Variants in TMEM237 observed in about 807,000 individuals in gnomAD.
TMEM237 encodes transmembrane protein 237.
TMEM237 carries 51 observed loss-of-function variants against 59.1 expected under a neutral mutation model. The observed-to-expected ratio is 0.86, with a 90% CI of 0.69 to 1.09. The LOEUF (loss-of-function observed/expected upper bound fraction) is 1.09. TMEM237 is among the 50% of genes least tolerant of loss of function. The pLI, the probability that TMEM237 is intolerant of heterozygous loss-of-function variation, is 0.00. For missense variants in TMEM237, 475 were observed against 478.3 expected (o/e 0.99, Z 0.06); for synonymous variants, 140 against 166.1 (o/e 0.84, Z 1.21).
intron 12 of TMEM237, among the ~76,000 whole-genome samples, chr2:201,625,080 T>A (rs756910749): frequency 6.6e-6 from 1 of 152,168 alleles, no homozygotes; most frequent in Non-Finnish European, 1.5e-5. Context: ...TAAAAGATGT[T>A]TGGCCAGGCG....
chr2:201,627,822 A>G (rs1197949386), intron 10 of TMEM237, among the ~76,000 whole-genome samples: 1 of 152,190 alleles, frequency 6.6e-6, no homozygotes, highest in Non-Finnish European at 1.5e-5. Context: ...AGTAGAAAAT[A>G]CAAAAGTTAA....
At chr2:201,642,766 G>A (rs746802035) in intron 1 of TMEM237, 5 of 1,441,018 alleles carry the variant, frequency 3.5e-6, no homozygotes, top group African/African-American at 1.5e-5. Context: ...CGCCCTGCGG[G>A]GATGTTGCGG....
rs2105904439 is a variant in TMEM237 at position 201,640,898 on chromosome 2, C to A, written c.69G>T (p.Val23=). 2 of 1,595,808 alleles carry A rather than the reference C, an allele frequency of 1.3e-6. No individual in the cohort carries two copies. The highest frequency in any genetic ancestry group is 8.6e-7 in the Non-Finnish European group (1 of 1,167,662). Residue 23 remains valine (V), a synonymous_variant, in exon 2 of 13, where the codon GTG becomes GTT. Transcript: ENST00000409883. Reference sequence around the variant, plus strand: ...TTACTGTAAATTATTTTTACCTTGGCACAGGTGGAAGAGCTCGTGGAGGAC... The same window carrying A: ...TTACTGTAAATTATTTTTACCTTGGAACAGGTGGAAGAGCTCGTGGAGGAC... ...HLRPPRALPP[V]PSQDDIPLSR... is the part of the protein sequence containing the mutation.
chr2:201,624,244 G>A lies in TMEM237; in HGVS notation c.*11C>T, dbSNP rs779701386. 3.1e-6 allele frequency: 5 copies of A among 1,607,270 alleles called. No homozygotes were observed. In the South Asian group the frequency reaches 4.4e-5, roughly 14 times the overall value. ...ATACTGGGTCATTATTCCTCCAAAGGTGAGCTGGTATTATGAAGAGGCTTT... is the reference window on the plus strand; with the variant it reads ...ATACTGGGTCATTATTCCTCCAAAGATGAGCTGGTATTATGAAGAGGCTTT... On this transcript the variant is annotated 3_prime_UTR_variant, in exon 13 of 13. Coordinates refer to ENST00000409883, the MANE Select transcript of TMEM237 (RefSeq NM_001044385.3).
Position 201,633,415 on chromosome 2 carries a change from G to A in TMEM237, c.291C>T (p.Ser97=). 1.3e-6 allele frequency: 2 copies of A among 1,553,856 alleles called. No homozygotes were observed. The highest frequency in any genetic ancestry group is 1.2e-5 in the South Asian group (1 of 80,914). ...TRLPLELETS[S]TQKKSSSSSL... ...ATGAACTAGATGACTTCTTTTGGGT[G>A]GAGGAAGTCTCCAATTCTGAAAACA... The change falls in exon 6 of 13, where the codon TCC becomes TCT. Residue 97 remains serine, a synonymous_variant. Coordinates refer to ENST00000409883, the MANE Select transcript of TMEM237 (RefSeq NM_001044385.3).
At chr2:201,627,769 TTTG>T (rs1359245066) in intron 10 of TMEM237, among the ~76,000 whole-genome samples, 1 of 152,162 alleles carries the variant, frequency 6.6e-6, no homozygotes, top group Non-Finnish European at 1.5e-5. Flanking sequence ...TAAAATATTG[TTTG>T]TTATTAAAAG....
Position 201,632,231 on chromosome 2 carries a change from A to G in TMEM237, c.396-23T>C, listed in dbSNP as rs1957814262. 6 of 1,610,894 alleles carry G rather than the reference A, an allele frequency of 3.7e-6. No individual in the cohort carries two copies. In the East Asian group the frequency reaches 1.3e-4, roughly 36 times the overall value. On this transcript the variant is annotated intron_variant, in intron 6 of 12. Transcript: ENST00000409883. Reference sequence around the variant, plus strand: ...TTCCTGTAATAAGGACGTATGTATGAAAAATAGATGATTATTGAATTTTTT... The same window carrying G: ...TTCCTGTAATAAGGACGTATGTATGGAAAATAGATGATTATTGAATTTTTT...
chr2:201,637,032 C>A, intron 4 of TMEM237, 147 bp from the exon 5 acceptor site: 3 of 768,424 alleles, frequency 3.9e-6, no homozygotes, highest in Non-Finnish European at 5.8e-6. Flanking sequence ...TCTTTCCTTC[C>A]TCCTCACCTG....
chr2:201,640,252 CT>C lies in TMEM237; in HGVS notation c.79+8del, dbSNP rs759786234. 2.0e-5 allele frequency: 31 copies of C among 1,551,236 alleles called. No homozygotes were observed. In the African/African-American group the frequency reaches 4.0e-4, roughly 20 times the overall value. The stretch of plus-strand genomic sequence containing the variant: ...CACCAAATATTATATTTACATTAAA[CT>C]AACTCACCTTGACTAACACGTCATA... On this transcript the variant is annotated splice_region_variant and intron_variant, in intron 3 of 12. Transcript: ENST00000409883.
Position 201,639,041 on chromosome 2 carries a change from A to G in TMEM237, c.84T>C (p.Asp28=). 6.3e-7 allele frequency: 1 copy of G among 1,578,502 alleles called. No individual in the cohort carries two copies. Among genetic ancestry groups the G allele is most frequent in the South Asian group, 1.2e-5 (1 of 85,882 alleles). ...TTTTCTTAGGACGACTAAGTGGAAT[A>G]TCATCTATAAAGCAAGAAAAAACGT... ...RALPPVPSQD[D]IPLSRPKKKK... The change falls in exon 4 of 13, where the codon GAT becomes GAC. Residue 28 remains aspartate, a synonymous_variant. Transcript: ENST00000409883.
At position 201,622,871 on chromosome 2, in the gene TMEM237, G is replaced by A. The variant is rs1195574564; in HGVS notation, c.*1384C>T. The A allele has an allele frequency of 6.5e-6, 1 of 153,764 alleles. No individual in the cohort carries two copies. Among genetic ancestry groups the A allele is most frequent in the African/African-American group, 2.4e-5 (1 of 41,522 alleles). The allele number at this position is 153,764 out of a possible 1,614,324, so 9.5% of individuals were successfully genotyped here. A position where few individuals can be genotyped will look rare whatever the true frequency, so the allele number is the denominator to read the frequency against. ...ATTTCTCTTTGATGACACGGCTCAA[G>A]TGTGCTAAGCCTTGGCTCTAACGAG... On this transcript the variant is annotated 3_prime_UTR_variant, in exon 13 of 13. Coordinates refer to ENST00000409883, the MANE Select transcript of TMEM237 (RefSeq NM_001044385.3).
intron 9 of TMEM237, 75 bp downstream of exon 9, chr2:201,629,155 A>G (rs2105898873): frequency 8.5e-7 from 1 of 1,179,782 alleles, no homozygotes; most frequent in South Asian, 2.3e-5. Context: ...TTTGAAAACT[A>G]TCATGGTCAG....
At chr2:201,627,960 GGTAATGTTTATAAGGAGCA>G (rs1957773477) in intron 10 of TMEM237, 97 bp downstream of exon 10, 2 of 604,856 alleles carry the variant, frequency 3.3e-6, no homozygotes, top group African/African-American at 3.7e-5. Flanking sequence ...AACATCTATA[GGTAATGTTTATAAGGAGCA>G]GTAATACAAC....
At chr2:201,628,455 C>T (rs1009381789) in intron 9 of TMEM237, among the ~76,000 whole-genome samples, 7 of 152,112 alleles carry the variant, frequency 4.6e-5, no homozygotes, top group African/African-American at 1.7e-4. Flanking sequence ...TATCATTGGG[C>T]TCTAACTCGG....
In TMEM237 at chr2:201,643,274, G is replaced by GCCCCCCCCCCCCCC; in HGVS notation, c.42+84_42+85insGGGGGGGGGGGGGG. On this transcript the variant is annotated intron_variant, in intron 1 of 12. Transcript: ENST00000409883. The surrounding 1 kb of genome is among the most constrained non-coding windows in gnomAD (Gnocchi z 4.3). Reference sequence around the variant, plus strand: ...CCTTAGTGATTCCCAGCTCGTTGGCGCCCCCCCACACACACCCACCCCCAC... The same window carrying GCCCCCCCCCCCCCC: ...CCTTAGTGATTCCCAGCTCGTTGGCGCCCCCCCCCCCCCCCCCCCCCACACACACCCACCCCCAC... 8.3e-7 allele frequency: 1 copy of GCCCCCCCCCCCCCC among 1,206,750 alleles called. No homozygotes were observed. Among genetic ancestry groups the GCCCCCCCCCCCCCC allele is most frequent in the Non-Finnish European group, 1.2e-6 (1 of 849,312 alleles). 74.8% of individuals were successfully genotyped at this position (1,206,750 alleles called of 1,614,324 possible).
At position 201,630,535 on chromosome 2, in the gene TMEM237, C is replaced by T. The variant is rs187901030; in HGVS notation, c.554-683G>A. Among the ~76,000 whole-genome samples the T allele has an allele frequency of 8.6e-4, 131 of 152,162 alleles. 1 individual carries two copies. Among genetic ancestry groups the T allele is most frequent in the Admixed American group, 4.6e-4 (7 of 15,242 alleles). On this transcript the variant is annotated intron_variant, in intron 7 of 12. Transcript: ENST00000409883. ...TCAATTATCCTCACCAAACCCAGTT[C>T]GCAGGTGTTTTGGAGGATGAAAGAC...
Position 201,627,395 on chromosome 2 carries a change from T to C in TMEM237, c.963A>G (p.Ile321Met). ...LASFLYFTAL[I>M]LSLSQQMTSD... ...TTGTCATTTGCTGACTCAGAGATAG[T>C]ATAAGAGCAGTAAAGTACACTGAGA... Residue 321 changes from isoleucine to methionine, a missense_variant, in exon 11 of 13, where the codon ATA (isoleucine) becomes ATG (methionine). Coordinates refer to ENST00000409883, the MANE Select transcript of TMEM237 (RefSeq NM_001044385.3). 1 of 1,601,588 alleles carries C rather than the reference T, an allele frequency of 6.2e-7. No individual in the cohort carries two copies.
Position 201,628,106 on chromosome 2 carries a change from C to T in TMEM237, c.913G>A (p.Ala305Thr). The T allele has an allele frequency of 6.2e-7, 1 of 1,608,004 alleles. No individual in the cohort carries two copies. The highest frequency in any genetic ancestry group is 1.1e-5 in the South Asian group (1 of 89,660). ...KISVAIRNFL[A>T]LDPTALASFL... ...GATGCTAAAGCTGTAGGATCCAGGGCCAAAAAATTTCGGATTGCTACTGAT... is the reference window on the plus strand; with the variant it reads ...GATGCTAAAGCTGTAGGATCCAGGGTCAAAAAATTTCGGATTGCTACTGAT... Residue 305 changes from alanine to threonine, a missense_variant, in exon 10 of 13, where the codon GCC becomes ACC. By Grantham distance (58) the Ala-to-Thr change is moderately conservative. Coordinates refer to ENST00000409883, the MANE Select transcript of TMEM237 (RefSeq NM_001044385.3).
rs928588110 is a variant in TMEM237, at chr2:201,635,900, TCA to T, written c.274+846_274+847del. On this transcript the variant is annotated intron_variant, in intron 5 of 12. Transcript: ENST00000409883. This position sits in a 1 kb window ranked among gnomAD's most constrained non-coding sequence, Gnocchi z 4.5. ...TGAAAAAATAAACTGTTGTTTGAAGTCACACAGTTTGTGGTAATTTGTTATGG... is the reference window on the plus strand; with the variant it reads ...TGAAAAAATAAACTGTTGTTTGAAGTCACAGTTTGTGGTAATTTGTTATGG... Among the ~76,000 whole-genome samples the T allele has an allele frequency of 8.5e-5, 13 of 152,352 alleles. No homozygotes were observed. Among genetic ancestry groups the T allele is most frequent in the African/African-American group, 3.1e-4 (13 of 41,588 alleles).
Sources: gnomAD v4.1 joint callset for allele counts (sites outside exome capture counted in the v4.1 genomes callset) on GRCh38, gnomAD v4.1.1 for gene constraint, Gnocchi (gnomAD v3.1) non-coding constraint, MANE v1.5 for transcripts, NCBI Gene and HGNC (gene_info 2026-07-23, HGNC 2026-07-21) for gene names.